Variants in MTMR1 observed in about 807,000 individuals in gnomAD.
MTMR1 encodes myotubularin related protein 1.
MTMR1 carries 17 observed loss-of-function variants against 51.6 expected under a neutral mutation model. The observed-to-expected ratio is 0.33, with a 90% CI of 0.23 to 0.49. The LOEUF is 0.49. Ranked by LOEUF, MTMR1 falls within the 20% of genes least tolerant of loss-of-function variation. The pLI is 0.99. For missense variants in MTMR1, 386 were observed against 526.9 expected (o/e 0.73, Z 2.62); for synonymous variants, 201 against 205.6 (o/e 0.98, Z 0.19).
intron 2 of MTMR1, among the ~76,000 whole-genome samples, chrX:150,709,343 C>T (rs2041228802): frequency 8.9e-6 from 1 of 112,155 alleles, no homozygotes; most frequent in African/African-American, 3.2e-5. Flanking sequence ...CTCCCCTCCA[C>T]CCCCATACCA....
At chrX:150,759,942 C>T (rs1385065246) in intron 15 of MTMR1, among the ~76,000 whole-genome samples, 1 of 109,398 alleles carries the variant, frequency 9.1e-6, no homozygotes, top group Non-Finnish European at 1.9e-5. Context: ...CCCGACAGGG[C>T]CAGATCCCGT....
chrX:150,717,703 C>T (rs2041588640), intron 3 of MTMR1, among the ~76,000 whole-genome samples: 1 of 111,506 alleles, frequency 9.0e-6, no homozygotes, highest in African/African-American at 3.3e-5. Context: ...CCTCAATTAT[C>T]TGGCACTATC....
rs143892938 is a variant in MTMR1, at chrX:150,761,172, C to T, written c.1858-1393C>T. 7.9e-3 allele frequency among the ~76,000 whole-genome samples: 877 copies of T among 110,934 alleles called. 14 individuals carry two copies. The highest frequency in any genetic ancestry group is 0.027 in the African/African-American group (824 of 30,430). ...TTAAATGATCCTACAGACAGGAAAACGCATGCCAGATGGGTCCTAAGGGTA... is the reference window on the plus strand; with the variant it reads ...TTAAATGATCCTACAGACAGGAAAATGCATGCCAGATGGGTCCTAAGGGTA... On this transcript the variant is annotated intron_variant, in intron 15 of 15. Coordinates refer to ENST00000445323, the MANE Select transcript of MTMR1 (RefSeq NM_001306144.3).
At position 150,699,317 on chromosome X, in the gene MTMR1, G is replaced by A. The variant is rs1367188033; in HGVS notation, c.252+17G>A. 5 of 1,089,673 alleles carry A rather than the reference G, an allele frequency of 4.6e-6. No homozygotes were observed. The East Asian group carries it at 1.2e-4, about 27-fold the overall frequency. 89.8% of individuals were successfully genotyped at this position (1,089,673 alleles called of 1,213,427 possible). ...GATTACAAGGTAAGCAACATTGAGT[G>A]TTTAATTCATTTTCAGTATGCTAAG... is the stretch of plus-strand genomic sequence containing the variant. On this transcript the variant is annotated intron_variant, in intron 2 of 15. Coordinates refer to ENST00000445323, the MANE Select transcript of MTMR1 (RefSeq NM_001306144.3).
chrX:150,737,633 G>A (rs575428819), intron 12 of MTMR1, among the ~76,000 whole-genome samples, 185 bp downstream of exon 12: 272 of 111,847 alleles, frequency 2.4e-3, no homozygotes, highest in South Asian at 0.016. Flanking sequence ...TTCCTCATAG[G>A]GCGTTTTTAT....
intron 12 of MTMR1, 113 bp from the exon 13 acceptor site, chrX:150,744,248 C>T: frequency 2.1e-6 from 1 of 486,989 alleles, no homozygotes; most frequent in Non-Finnish European, 3.4e-6. Context: ...TGTTATGTGC[C>T]AGGAATTCTA....
chrX:150,693,382 C>CG, upstream of MTMR1: 2 of 711,511 alleles, frequency 2.8e-6, no homozygotes, highest in Non-Finnish European at 3.3e-6. Flanking sequence ...GTGGGTAACG[C>CG]GGGGCCGCCA....
rs781898432 is a variant in MTMR1 at position 150,732,361 on chromosome X, C to T, written c.892-181C>T. ...GCTCATGTAGTCAGAATTGTTTCAT[C>T]CTGACCAAAACATTGAGTCTGATGG... On this transcript the variant is annotated intron_variant, in intron 9 of 15. Coordinates refer to ENST00000445323, the MANE Select transcript of MTMR1 (RefSeq NM_001306144.3). Among the ~76,000 whole-genome samples, 10 of 111,317 alleles carry T rather than the reference C, an allele frequency of 9.0e-5. No individual in the cohort carries two copies. In the South Asian group the frequency reaches 3.8e-3, roughly 43 times the overall value.
Position 150,731,571 on chromosome X carries a change from T to C in MTMR1, c.843T>C (p.Asp281=). The C allele has an allele frequency of 8.3e-7, 1 of 1,207,450 alleles. No homozygotes were observed. The highest frequency in any genetic ancestry group is 1.1e-6 in the Non-Finnish European group (1 of 893,185). ...AIIVVPTSVK[D]DDLSKVAAFR... ...TTGTTGTGCCAACTAGTGTAAAAGATGATGACCTTTCAAAAGTGGCAGCTT... is the reference window on the plus strand; with the variant it reads ...TTGTTGTGCCAACTAGTGTAAAAGACGATGACCTTTCAAAAGTGGCAGCTT... Residue 281 remains aspartate (D), a synonymous_variant, in exon 9 of 16, where the codon GAT becomes GAC. Coordinates refer to ENST00000445323, the MANE Select transcript of MTMR1 (RefSeq NM_001306144.3).
Position 150,693,558 on chromosome X carries a change from G to A in MTMR1, c.28G>A (p.Ala10Thr). The A allele has an allele frequency of 5.3e-6, 4 of 761,026 alleles. No individual in the cohort carries two copies. The highest frequency in any genetic ancestry group is 6.2e-6 in the Non-Finnish European group (4 of 644,469). The allele number at this position is 761,026 out of a possible 1,213,427, so 62.7% of individuals were successfully genotyped here. A position where few individuals can be genotyped will look rare whatever the true frequency, so the allele number is the denominator to read the frequency against. MDRPAAAAA[A>T]GCEGGGGPNP... is the part of the protein sequence containing the mutation. ...GGACAGGCCGGCGGCGGCGGCGGCGGCGGGCTGCGAGGGCGGCGGGGGCCC... is the reference window on the plus strand; with the variant it reads ...GGACAGGCCGGCGGCGGCGGCGGCGACGGGCTGCGAGGGCGGCGGGGGCCC... The change falls in exon 1 of 16, where the codon GCG becomes ACG. Residue 10 changes from alanine to threonine, a missense_variant. Ala to Thr is a moderately conservative substitution (Grantham distance 58). Transcript: ENST00000445323.
intron 10 of MTMR1, among the ~76,000 whole-genome samples, chrX:150,735,149 G>A (rs1484679003): frequency 2.7e-5 from 3 of 111,853 alleles, no homozygotes; most frequent in Non-Finnish European, 5.6e-5. Flanking sequence ...AGAGAGACAT[G>A]GAACAGATTC....
At chrX:150,760,785 A>G (rs933078998) in intron 15 of MTMR1, among the ~76,000 whole-genome samples, 4 of 109,450 alleles carry the variant, frequency 3.7e-5, no homozygotes, top group African/African-American at 1.0e-4. Flanking sequence ...TTAGCCAGAC[A>G]CAGTGGTGGC....
intron 13 of MTMR1, 81 bp downstream of exon 13, chrX:150,744,534 C>A: frequency 1.3e-6 from 1 of 794,128 alleles, no homozygotes; most frequent in Non-Finnish European, 1.8e-6. Flanking sequence ...CTGTTTCATT[C>A]AAGATGAATT....
rs146979565 is a variant in MTMR1 at position 150,751,405 on chromosome X, C to T, written c.1680+562C>T. 545 of 156,892 alleles carry T rather than the reference C, an allele frequency of 3.5e-3. 2 individuals are homozygous for T. The highest frequency in any genetic ancestry group is 0.017 in the African/African-American group (522 of 31,592). 12.9% of individuals were successfully genotyped at this position (156,892 alleles called of 1,213,427 possible). On this transcript the variant is annotated intron_variant, in intron 14 of 15. Transcript: ENST00000445323. Reference sequence around the variant, plus strand: ...AAGGCAGCTTAAGGAGTATATGATCCTGTTAATAGACAAGGACCAATGCCT... The same window carrying T: ...AAGGCAGCTTAAGGAGTATATGATCTTGTTAATAGACAAGGACCAATGCCT...
At chrX:150,706,589 A>G (rs1470726697) in intron 2 of MTMR1, among the ~76,000 whole-genome samples, 1 of 112,420 alleles carries the variant, frequency 8.9e-6, no homozygotes, top group African/African-American at 3.2e-5. Flanking sequence ...GAAAACTATC[A>G]AATATTGATT....
At chrX:150,727,915 C>T (rs782408185) in intron 6 of MTMR1, 124 bp downstream of exon 6, 12 of 383,843 alleles carry the variant, frequency 3.1e-5, no homozygotes, top group Non-Finnish European at 4.4e-5. Context: ...CAAATGTTTT[C>T]GGGATAGCAA....
At chrX:150,760,401 G>C (rs1399947565) in intron 15 of MTMR1, among the ~76,000 whole-genome samples, 1 of 111,300 alleles carries the variant, frequency 9.0e-6, no homozygotes, top group African/African-American at 3.3e-5. Context: ...GGCTCGATTG[G>C]CTGCCGAGAA....
intron 2 of MTMR1, among the ~76,000 whole-genome samples, chrX:150,701,669 A>G (rs982529590): frequency 1.8e-5 from 2 of 111,630 alleles, no homozygotes; most frequent in African/African-American, 3.3e-5. Context: ...GCTTTTTGAC[A>G]TGTCATCCAT....
intron 13 of MTMR1, among the ~76,000 whole-genome samples, chrX:150,747,513 C>T (rs1467206037): frequency 2.7e-5 from 3 of 111,530 alleles, no homozygotes; most frequent in East Asian, 2.8e-4. Context: ...TATGTATTTT[C>T]GGAAATCGTA....
Sources: allele counts gnomAD v4.1 joint callset (sites outside exome capture counted in the v4.1 genomes callset), GRCh38; gene constraint gnomAD v4.1.1; transcripts MANE v1.5; gene names NCBI Gene and HGNC (gene_info 2026-07-23, HGNC 2026-07-21).